KRIT1: variants seen among roughly 807,000 people sequenced by gnomAD.
KRIT1 encodes the protein krev interaction trapped protein 1.
Under a neutral mutation model 95.8 loss-of-function variants are expected in KRIT1, and 45 were observed. The observed-to-expected ratio is 0.47, with a 90% CI of 0.37 to 0.60. KRIT1 has a LOEUF of 0.60. Among genes scored for constraint, KRIT1 ranks in the 20% least tolerant of loss-of-function variants. The pLI is 0.00. For synonymous variants in KRIT1, 282 were observed against 278.8 expected (o/e 1.01, Z -0.11); for missense variants, 788 against 877.5 (o/e 0.90, Z 1.29).
chr7:92,201,497 T>G, intron 17 of KRIT1, 74 bp from the exon 18 acceptor site: 1 of 798,634 alleles, frequency 1.3e-6, no homozygotes, highest in Non-Finnish European at 2.3e-6. Flanking sequence ...ACTATCTACA[T>G]TTATGTTGTC....
intron 10 of KRIT1, among the ~76,000 whole-genome samples, chr7:92,232,989 G>A (rs369854756): frequency 4.9e-4 from 74 of 152,132 alleles, no homozygotes; most frequent in African/African-American, 1.4e-3. Context: ...CACTGCACCC[G>A]GCTGCATGTG....
chr7:92,237,035 T>A (rs755664183), intron 6 of KRIT1, among the ~76,000 whole-genome samples: 2 of 152,102 alleles, frequency 1.3e-5, no homozygotes, highest in African/African-American at 4.8e-5. Flanking sequence ...TAATACCTCA[T>A]TGAATTTTTC....
rs1798426378 is a variant in KRIT1, at chr7:92,236,351, C to T, written c.485+62G>A. The T allele has an allele frequency of 8.8e-6, 10 of 1,139,746 alleles. No homozygotes were observed. The East Asian group carries it at 1.4e-4, about 16-fold the overall frequency. The allele number at this position is 1,139,746 out of a possible 1,614,324, so 70.6% of individuals were successfully genotyped here. On this transcript the variant is annotated intron_variant, in intron 7 of 18. Transcript: ENST00000394505. ...CTCAAAGTGTCTGTATCTATGACAACTAATTTCTACTATAAACATGTATTT... is the reference window on the plus strand; with the variant it reads ...CTCAAAGTGTCTGTATCTATGACAATTAATTTCTACTATAAACATGTATTT...
chr7:92,208,831 C>T (rs1792132358), intron 17 of KRIT1, among the ~76,000 whole-genome samples: 1 of 152,006 alleles, frequency 6.6e-6, no homozygotes, highest in African/African-American at 2.4e-5. Context: ...AGGATTCTTC[C>T]TAACTCATTC....
In KRIT1 at chr7:92,221,979, T is replaced by G; in HGVS notation, c.1486A>C (p.Asn496His). 1 of 1,613,438 alleles carries G rather than the reference T, an allele frequency of 6.2e-7. No individual in the cohort carries two copies. Among genetic ancestry groups the G allele is most frequent in the Non-Finnish European group, 8.5e-7 (1 of 1,179,400 alleles). The change falls in exon 14 of 19, where the codon AAT becomes CAT. Residue 496 changes from asparagine to histidine, a missense_variant. Physicochemically the swap from Asn to His is moderately conservative, Grantham distance 68. Coordinates refer to ENST00000394505, the MANE Select transcript of KRIT1 (RefSeq NM_194454.3). ...DWPEILAELT[N>H]LDPQRETPQL... The stretch of plus-strand genomic sequence containing the variant: ...GGTGTTTCCCTTTGAGGATCCAGAT[T>G]AGTCAATTCAGCAAGTATTTCTGGC...
At chr7:92,222,796 C>A in intron 13 of KRIT1, 26 bp downstream of exon 13, 1 of 1,426,664 alleles carries the variant, frequency 7.0e-7, no homozygotes. Context: ...ATGAGGTTTA[C>A]TATAACATAA....
At chr7:92,206,209 G>A (rs1453120249) in intron 17 of KRIT1, 1 of 152,826 alleles carries the variant, frequency 6.5e-6, no homozygotes. Context: ...ACCATCAGAG[G>A]GCCTGACGAC....
chr7:92,240,114 T>C (rs1436374221), intron 5 of KRIT1, among the ~76,000 whole-genome samples: 5 of 152,168 alleles, frequency 3.3e-5, no homozygotes, highest in Non-Finnish European at 4.4e-5. Flanking sequence ...CAGGGAGCTA[T>C]AATACAGTGA....
At chr7:92,209,145 C>T (rs1158651265) in intron 17 of KRIT1, among the ~76,000 whole-genome samples, 2 of 151,418 alleles carry the variant, frequency 1.3e-5, no homozygotes, top group South Asian at 2.1e-4. Context: ...AATATCGTTT[C>T]GTGATGAAAA....
intron 17 of KRIT1, among the ~76,000 whole-genome samples, chr7:92,211,831 G>A (rs926672237): frequency 1.3e-5 from 2 of 152,052 alleles, no homozygotes; most frequent in African/African-American, 4.8e-5. Flanking sequence ...AGTGGTTCAT[G>A]CTTGTAATCC....
Position 92,225,750 on chromosome 7 carries a change from T to A in KRIT1, c.1224A>T (p.Ala408=), listed in dbSNP as rs759649310. ...TGTTAATTGCTTCCTTCAACAATTTTGCAGCTTCTTCCCAGTTGTTTTGTT... is the reference window on the plus strand; with the variant it reads ...TGTTAATTGCTTCCTTCAACAATTTAGCAGCTTCTTCCCAGTTGTTTTGTT... ...ENKQNNWEEA[A]KLLKEAINKP... The change falls in exon 12 of 19, where the codon GCA becomes GCT. Residue 408 remains alanine (A), a synonymous_variant. Transcript: ENST00000394505. The A allele has an allele frequency of 1.9e-6, 3 of 1,604,136 alleles. No homozygotes were observed. In the African/African-American group the frequency reaches 4.0e-5, roughly 21 times the overall value.
chr7:92,222,861 G>T lies in KRIT1; in HGVS notation c.1372C>A (p.Gln458Lys). The change falls in exon 13 of 19, where the codon CAG becomes AAG. Residue 458 changes from glutamine to lysine, a missense_variant. Gln to Lys is a moderately conservative substitution (Grantham distance 53). Around this residue, in one of 3 missense-constraint regions of KRIT1, gnomAD observed 493 missense variants for 582.3 expected, o/e 0.85. Transcript: ENST00000394505. ...CAAATCCATATAGTGAAATATTGCT[G>T]AGTTTCTTGAGAGAGACGCATTCCT... ...MEGMRLSQET[Q>K]QYFTIWICSE... The T allele has an allele frequency of 6.2e-7, 1 of 1,608,802 alleles. No homozygotes were observed. The highest frequency in any genetic ancestry group is 8.5e-7 in the Non-Finnish European group (1 of 1,175,356).
intron 17 of KRIT1, among the ~76,000 whole-genome samples, chr7:92,202,956 T>C (rs1204976425): frequency 6.6e-6 from 1 of 152,198 alleles, no homozygotes; most frequent in Non-Finnish European, 1.5e-5. Context: ...CCTTCTCTTT[T>C]AAATCAATCA....
chr7:92,245,985 C>A (rs1380073891), upstream of KRIT1: 2 of 234,214 alleles, frequency 8.5e-6, no homozygotes, highest in African/African-American at 4.8e-5. Context: ...GGTCGGCGGC[C>A]GGGCTGCTGC....
At chr7:92,224,089 G>A (rs565418497) in intron 12 of KRIT1, among the ~76,000 whole-genome samples, 6 of 152,246 alleles carry the variant, frequency 3.9e-5, no homozygotes, top group South Asian at 2.1e-4. Flanking sequence ...AAATGCGTGC[G>A]TGTGTGGTAT....
At position 92,234,804 on chromosome 7, in the gene KRIT1, G is replaced by A; in HGVS notation, c.845+4C>T. On this transcript the variant is annotated splice_donor_region_variant and intron_variant, in intron 9 of 18. Transcript: ENST00000394505. ...AGCAATGTGGAGTAAAACCGAAACA[G>A]TACTTGTCTTCTGTGACACTGCTCA... 7 of 1,515,898 alleles carry A rather than the reference G, an allele frequency of 4.6e-6. No individual in the cohort carries two copies. Among genetic ancestry groups the A allele is most frequent in the Non-Finnish European group, 6.4e-6 (7 of 1,090,444 alleles). 93.9% of individuals were successfully genotyped at this position (1,515,898 alleles called of 1,614,324 possible).
intron 17 of KRIT1, chr7:92,204,188 G>A (rs1306374380): frequency 6.6e-6 from 1 of 151,812 alleles, no homozygotes; most frequent in Admixed American, 6.6e-5. Flanking sequence ...CTGAGCCTAG[G>A]AGTTTGCAGC....
At chr7:92,214,325 T>C (rs1793495323) in intron 15 of KRIT1, among the ~76,000 whole-genome samples, 1 of 152,058 alleles carries the variant, frequency 6.6e-6, no homozygotes, top group Non-Finnish European at 1.5e-5. Flanking sequence ...TTATAAAATG[T>C]TTTACTACTT....
intron 3 of KRIT1, among the ~76,000 whole-genome samples, chr7:92,243,550 G>C (rs540862416): frequency 8.7e-5 from 11 of 125,808 alleles, no homozygotes; most frequent in East Asian, 2.0e-4. Context: ...AATGTTATTT[G>C]AGAGGCGATA....
Sources: gnomAD v4.1 joint callset for allele counts (sites outside exome capture counted in the v4.1 genomes callset) on GRCh38, gnomAD v4.1.1 for gene constraint, gnomAD v4.1.1 regional missense constraint, MANE v1.5 for transcripts, NCBI Gene and HGNC (gene_info 2026-07-23, HGNC 2026-07-21) for gene names.